Variants in BMPR1B observed in about 807,000 individuals in gnomAD.
The protein encoded by BMPR1B is bone morphogenetic protein receptor type-1B.
Under a neutral mutation model 59.1 loss-of-function variants are expected in BMPR1B, and 12 were observed. The ratio of observed to expected loss-of-function variants is 0.20; its 90% CI spans 0.13 to 0.33. The LOEUF is 0.33. Among genes scored for constraint, BMPR1B ranks in the 10% least tolerant of loss-of-function variants. The pLI is 1.00. For synonymous variants in BMPR1B, 237 were observed against 207.3 expected (o/e 1.14, Z -1.23); for missense variants, 550 against 610.9 (o/e 0.90, Z 1.05).
intron 10 of BMPR1B, 22 bp downstream of exon 10, chr4:95,131,534 TA>T (rs1346463302): frequency 6.2e-7 from 1 of 1,612,352 alleles, no homozygotes; most frequent in Non-Finnish European, 8.5e-7. Context: ...AGTGAACAAA[TA>T]CATGTTTTAT....
intron 1 of BMPR1B, among the ~76,000 whole-genome samples, chr4:94,825,917 A>T (rs1323503434): frequency 6.6e-6 from 1 of 152,312 alleles, no homozygotes; most frequent in East Asian, 1.9e-4. Flanking sequence ...TGTTTTTCTA[A>T]ACTTTGGAGC....
rs574606944 is a variant in BMPR1B, at chr4:94,908,821, C to T, written c.-113+32921C>T. Reference sequence around the variant, plus strand: ...TTATCTTTTGCTTGAATAATGTCTCCGTGTTCATAGTTCTTATCGACTCTT... The same window carrying T: ...TTATCTTTTGCTTGAATAATGTCTCTGTGTTCATAGTTCTTATCGACTCTT... On this transcript the variant is annotated intron_variant, in intron 2 of 12. Transcript: ENST00000515059. Among the ~76,000 whole-genome samples the T allele has an allele frequency of 7.9e-5, 12 of 152,080 alleles. No individual in the cohort carries two copies. The South Asian group carries it at 1.9e-3, about 24-fold the overall frequency.
Position 94,786,834 on chromosome 4 carries a change from G to A in BMPR1B, c.-183+28766G>A, listed in dbSNP as rs560014741. Among the ~76,000 whole-genome samples the A allele has an allele frequency of 2.2e-4, 34 of 152,128 alleles. No individual in the cohort carries two copies. In the South Asian group the frequency reaches 6.6e-3, roughly 30 times the overall value. On this transcript the variant is annotated intron_variant, in intron 1 of 12. Coordinates refer to ENST00000515059, the MANE Select transcript of BMPR1B (RefSeq NM_001203.3). ...GCTGGGATTACAGGCGTGAGCCATC[G>A]TGCCCAGCCCACTTAGCTAATTTTT... is the stretch of plus-strand genomic sequence containing the variant.
intron 1 of BMPR1B, among the ~76,000 whole-genome samples, chr4:94,814,332 C>T (rs924045864): frequency 6.6e-6 from 1 of 152,152 alleles, no homozygotes; most frequent in African/African-American, 2.4e-5. Context: ...ACTAAGGTTT[C>T]CTAAATGCAT....
rs1729488880 is a variant in BMPR1B, at chr4:94,940,984, T to G, written c.-112-55056T>G. ...TCTTCTTGGTGGGACGTTAGATACT[T>G]TATTTGAATATTTATTGGGAATTTC... On this transcript the variant is annotated intron_variant, in intron 2 of 12. Coordinates refer to ENST00000515059, the MANE Select transcript of BMPR1B (RefSeq NM_001203.3). Among the ~76,000 whole-genome samples the G allele has an allele frequency of 1.3e-5, 2 of 152,166 alleles. 1 individual carries two copies. Among genetic ancestry groups the G allele is most frequent in the Admixed American group, 1.3e-4 (2 of 15,264 alleles).
intron 2 of BMPR1B, among the ~76,000 whole-genome samples, chr4:94,950,075 C>T (rs1350883227): frequency 6.6e-6 from 1 of 152,058 alleles, no homozygotes; most frequent in Non-Finnish European, 1.5e-5. Context: ...GTTTGTTGGC[C>T]ACATAAATGT....
intron 1 of BMPR1B, among the ~76,000 whole-genome samples, chr4:94,857,557 T>A (rs1725808649): frequency 6.6e-6 from 1 of 152,200 alleles, no homozygotes; most frequent in African/African-American, 2.4e-5. Flanking sequence ...CCTTCCGATA[T>A]AATGTACTTT....
chr4:95,140,296 G>A (rs1216969998), intron 10 of BMPR1B, among the ~76,000 whole-genome samples: 1 of 152,114 alleles, frequency 6.6e-6, no homozygotes, highest in Non-Finnish European at 1.5e-5. Context: ...ATTCCATATG[G>A]AACACAGGAT....
In BMPR1B at chr4:94,966,348, T is replaced by C. The variant is rs371990530; in HGVS notation, c.-112-29692T>C. On this transcript the variant is annotated intron_variant, in intron 2 of 12. Transcript: ENST00000515059. Reference sequence around the variant, plus strand: ...TTGTAAAATGTTTTAATTGCTTTTCTCTAAAAATTATCAGAAGAATAAAAA... The same window carrying C: ...TTGTAAAATGTTTTAATTGCTTTTCCCTAAAAATTATCAGAAGAATAAAAA... 4.6e-5 allele frequency among the ~76,000 whole-genome samples: 7 copies of C among 152,206 alleles called. No homozygotes were observed. The East Asian group carries it at 7.7e-4, about 17-fold the overall frequency.
At chr4:94,901,024 A>G (rs893503960) in intron 2 of BMPR1B, among the ~76,000 whole-genome samples, 3 of 151,958 alleles carry the variant, frequency 2.0e-5, no homozygotes, top group Non-Finnish European at 4.4e-5. Flanking sequence ...CCAACCCTGG[A>G]ACCCCTTGGG....
At chr4:95,139,715 G>GGCGTGGGACCCTCGGAGCCAT (rs1157065195) in intron 10 of BMPR1B, among the ~76,000 whole-genome samples, 5 of 151,618 alleles carry the variant, frequency 3.3e-5, no homozygotes, top group African/African-American at 9.8e-5. Context: ...CTCCGAGCCG[G>GGCGTGGGACCCTCGGAGCCAT]GCGTGGGACC....
intron 1 of BMPR1B, among the ~76,000 whole-genome samples, chr4:94,837,169 G>C (rs1368807306): frequency 6.8e-6 from 1 of 146,736 alleles, no homozygotes; most frequent in Non-Finnish European, 1.5e-5. Context: ...TAGCCTTGTA[G>C]TATAGTTTGA....
chr4:94,903,527 T>TTTA (rs748562305), intron 2 of BMPR1B, among the ~76,000 whole-genome samples: 6 of 150,996 alleles, frequency 4.0e-5, no homozygotes, highest in South Asian at 2.1e-4. Context: ...TTTTTTTTTT[T>TTTA]AAAAAGACAA....
chr4:94,957,472 C>T (rs1238957506), intron 2 of BMPR1B, among the ~76,000 whole-genome samples: 1 of 149,682 alleles, frequency 6.7e-6, no homozygotes, highest in Non-Finnish European at 1.5e-5. Context: ...AGCTCTATTA[C>T]TTGTAGTGCT....
At chr4:94,915,911 G>C (rs1020749168) in intron 2 of BMPR1B, among the ~76,000 whole-genome samples, 17 of 152,162 alleles carry the variant, frequency 1.1e-4, no homozygotes, top group Non-Finnish European at 2.1e-4. Flanking sequence ...ACAATAGTGA[G>C]TGCTCGGGAG....
chr4:95,006,774 C>T (rs960481240), intron 3 of BMPR1B, among the ~76,000 whole-genome samples: 8 of 152,014 alleles, frequency 5.3e-5, no homozygotes, highest in African/African-American at 1.7e-4. Flanking sequence ...CTCCTGACTT[C>T]GTGATCCACC....
At chr4:95,008,566 A>G (rs1210268604) in intron 3 of BMPR1B, among the ~76,000 whole-genome samples, 1 of 152,194 alleles carries the variant, frequency 6.6e-6, no homozygotes, top group Non-Finnish European at 1.5e-5. Flanking sequence ...CCAATACTTT[A>G]AAATATTTAG....
At chr4:94,899,925 A>G (rs991718405) in intron 2 of BMPR1B, among the ~76,000 whole-genome samples, 1 of 151,970 alleles carries the variant, frequency 6.6e-6, no homozygotes, top group Non-Finnish European at 1.5e-5. Flanking sequence ...ATTTCTGACA[A>G]TCTATACCAG....
At chr4:94,819,248 C>A (rs1029024224) in intron 1 of BMPR1B, among the ~76,000 whole-genome samples, 2 of 152,076 alleles carry the variant, frequency 1.3e-5, no homozygotes, top group Non-Finnish European at 2.9e-5. Context: ...ATATATTTCT[C>A]CCTCTTTTTT....
Sources: gnomAD v4.1 joint callset for allele counts (sites outside exome capture counted in the v4.1 genomes callset) on GRCh38, gnomAD v4.1.1 for gene constraint, MANE v1.5 for transcripts, NCBI Gene and HGNC (gene_info 2026-07-23, HGNC 2026-07-21) for gene names.